The following XPC variants were observed in gnomAD, a reference collection of about 807,000 sequenced individuals.
XPC encodes DNA repair protein complementing XP-C cells.
XPC carries 76 observed loss-of-function variants against 95.8 expected under a neutral mutation model. The ratio of observed to expected loss-of-function variants is 0.79; its 90% CI spans 0.66 to 0.96. XPC has a LOEUF of 0.96. XPC is among the 40% of genes least tolerant of loss of function. The pLI is 0.00. For synonymous variants in XPC, 442 were observed against 442.1 expected, an observed-to-expected ratio of 1.00 and a Z score of 0.00; for missense variants, 1,146 against 1,179.8, an observed-to-expected ratio of 0.97 and a Z score of 0.42.
chr3:14,146,621 C>A lies in XPC; in HGVS notation c.2605-462G>T, dbSNP rs369994827. 8.6e-4 allele frequency among the ~76,000 whole-genome samples: 131 copies of A among 152,302 alleles called. 1 individual carries two copies. Among genetic ancestry groups the A allele is most frequent in the African/African-American group, 3.0e-3 (124 of 41,556 alleles). On this transcript the variant is annotated intron_variant, in intron 15 of 15. Transcript: ENST00000285021. Reference sequence around the variant, plus strand: ...TTTGGATGGAGAAGGCGGCAAGGAGCTGGTCAGAACATAAAGTCAGATGAA... The same window carrying A: ...TTTGGATGGAGAAGGCGGCAAGGAGATGGTCAGAACATAAAGTCAGATGAA...
Position 14,148,877 on chromosome 3 carries a change from G to C in XPC, c.2187C>G (p.Asp729Glu), listed in dbSNP as rs759521446. ...LAEPQLREENDLGLFGYWQTE... is the reference protein window; with the variant it reads ...LAEPQLREENELGLFGYWQTE... ...TCTGCCAGTAGCCAAACAGGCCCAG[G>C]TCATTTTCTTCCCGCAGCTGGGGCT... The change falls in exon 12 of 16, where the codon GAC (aspartate) becomes GAG (glutamate). Residue 729 changes from aspartate (D) to glutamate (E), a missense_variant. By Grantham distance (45) the Asp-to-Glu change is conservative (BLOSUM62 2). Coordinates refer to ENST00000285021, the MANE Select transcript of XPC (RefSeq NM_004628.5). The C allele has an allele frequency of 1.2e-6, 2 of 1,613,882 alleles. No individual in the cohort carries two copies. Among genetic ancestry groups the C allele is most frequent in the Non-Finnish European group, 1.7e-6 (2 of 1,179,898 alleles).
At chr3:14,157,424 G>A (rs955571574) in intron 9 of XPC, among the ~76,000 whole-genome samples, 1 of 152,144 alleles carries the variant, frequency 6.6e-6, no homozygotes, top group African/African-American at 2.4e-5. Context: ...ACACACAGGC[G>A]GCTCGGGCAC....
intron 1 of XPC, among the ~76,000 whole-genome samples, chr3:14,175,408 T>C (rs1433172097): frequency 3.9e-5 from 6 of 152,202 alleles, no homozygotes; most frequent in African/African-American, 1.4e-4. Context: ...ACAGCAGTCT[T>C]AGCACAGGGT....
At chr3:14,168,432 C>T in intron 3 of XPC, 52 bp from the exon 4 acceptor site, 1 of 1,602,178 alleles carries the variant, frequency 6.2e-7, no homozygotes, top group African/African-American at 1.3e-5. Flanking sequence ...ATAATAATAG[C>T]TACTGTACTG....
chr3:14,149,089 CTT>C (rs111520695), intron 11 of XPC, 141 bp from the exon 12 acceptor site: 1,958 of 976,608 alleles, frequency 2.0e-3, no homozygotes, highest in Non-Finnish European at 2.2e-3. Context: ...CTTTTTCTCC[CTT>C]TTTTTTTTTT....
intron 1 of XPC, among the ~76,000 whole-genome samples, chr3:14,176,645 C>T (rs1246082098): frequency 1.3e-5 from 2 of 152,078 alleles, no homozygotes; most frequent in African/African-American, 2.4e-5. Context: ...CCTAAGTTTA[C>T]GAATTATTAC....
In XPC at chr3:14,158,104, G is replaced by A. The variant is rs1225289159; in HGVS notation, c.1779C>T (p.Thr593=). Residue 593 remains threonine (T), a synonymous_variant, in exon 9 of 16, where the codon ACC becomes ACT. Transcript: ENST00000285021. This position sits in a 1 kb window ranked among gnomAD's most constrained non-coding sequence, Gnocchi z 5.2. Reference sequence around the variant, plus strand: ...ACTCAGCATCAACCCGGCACTTGCGGGTCACTGTCATCCAGACTGGGTCGT... The same window carrying A: ...ACTCAGCATCAACCCGGCACTTGCGAGTCACTGTCATCCAGACTGGGTCGT... ...QRYDPVWMTV[T]RKCRVDAEWW... 3 of 1,613,930 alleles carry A rather than the reference G, an allele frequency of 1.9e-6. No individual in the cohort carries two copies. The highest frequency in any genetic ancestry group is 2.5e-6 in the Non-Finnish European group (3 of 1,179,874).
At chr3:14,175,488 A>G (rs887493243) in intron 1 of XPC, among the ~76,000 whole-genome samples, 2 of 151,902 alleles carry the variant, frequency 1.3e-5, no homozygotes, top group East Asian at 1.9e-4. Context: ...CCCTCCCCCC[A>G]GATTATAATC....
In XPC at chr3:14,145,213, T is replaced by G. The variant is rs1328261165; in HGVS notation, c.*728A>C. 8 of 614,822 alleles carry G rather than the reference T, an allele frequency of 1.3e-5. No homozygotes were observed. The Admixed American group carries it at 1.9e-4, about 14-fold the overall frequency. 38.1% of individuals were successfully genotyped at this position (614,822 alleles called of 1,614,324 possible). Reference sequence around the variant, plus strand: ...GTCATTTCTCCTTAGTACAGAGAGCTTTATACATTTTATCTAGTAATGAAT... The same window carrying G: ...GTCATTTCTCCTTAGTACAGAGAGCGTTATACATTTTATCTAGTAATGAAT... On this transcript the variant is annotated 3_prime_UTR_variant, in exon 16 of 16. Transcript: ENST00000285021.
At chr3:14,177,086 A>G (rs1288379888) in intron 1 of XPC, among the ~76,000 whole-genome samples, 2 of 122,330 alleles carry the variant, frequency 1.6e-5, no homozygotes, top group Non-Finnish European at 3.8e-5. Flanking sequence ...ACTGTCTCGA[A>G]AAAAATAAAA....
In XPC at chr3:14,156,338, GAGTAGACCGC is replaced by G. The variant is rs1246211702; in HGVS notation, c.2020_2029del (p.Ala674ProfsTer15). The stretch of plus-strand genomic sequence containing the variant: ...CCAACCAGGCTGCCTCACGCACCTG[GAGTAGACCGC>G]TTCTCCACGACAATACCCAAGGATG... On this transcript the variant is annotated frameshift_variant, in exon 10 of 16. Coordinates refer to ENST00000285021, the MANE Select transcript of XPC (RefSeq NM_004628.5). LOFTEE classifies it high-confidence loss of function. 1 of 1,613,424 alleles carries G rather than the reference GAGTAGACCGC, an allele frequency of 6.2e-7. No individual in the cohort carries two copies. Among genetic ancestry groups the G allele is most frequent in the Non-Finnish European group, 8.5e-7 (1 of 1,179,660 alleles).
chr3:14,159,947 T>C, intron 7 of XPC, 117 bp from the exon 8 acceptor site: 1 of 975,192 alleles, frequency 1.0e-6, no homozygotes, highest in Non-Finnish European at 1.5e-6. Flanking sequence ...ACAGCCAGAC[T>C]GTCTAACAGT....
Position 14,173,011 on chromosome 3 carries a change from GA to G in XPC, c.154del (p.Ser52HisfsTer27). 1 of 1,610,116 alleles carries G rather than the reference GA, an allele frequency of 6.2e-7. No homozygotes were observed. Among genetic ancestry groups the G allele is most frequent in the Non-Finnish European group, 8.5e-7 (1 of 1,178,344 alleles). On this transcript the variant is annotated frameshift_variant, in exon 2 of 16. Coordinates refer to ENST00000285021, the MANE Select transcript of XPC (RefSeq NM_004628.5). LOFTEE classifies it high-confidence loss of function. The stretch of plus-strand genomic sequence containing the variant: ...GCAGCCTCTTTTCCTCTTTCCTTGT[GA>G]AACTTTGGAGAGAAGGCTCTTCTTT... ...PPKKSLLSKVSQGKRKRGCSH... is the reference protein window; with the variant it reads ...PPKKSLLSKVXQGKRKRGCSH...
At position 14,158,625 on chromosome 3, in the gene XPC, G is replaced by A. The variant is rs771080042; in HGVS notation, c.1258C>T (p.Arg420Trp). 14 of 1,613,740 alleles carry A rather than the reference G, an allele frequency of 8.7e-6. 1 individual carries two copies. The highest frequency in any genetic ancestry group is 1.6e-4 in the Middle Eastern group (1 of 6,084). ...EKATQRRPHG[R>W]ERRVASRVSY... is the part of the protein sequence containing the mutation. Reference sequence around the variant, plus strand: ...ACCCTGGAGGCCACCCGCCGCTCCCGGCCATGCGGACGTCGCTGGGTTGCC... The same window carrying A: ...ACCCTGGAGGCCACCCGCCGCTCCCAGCCATGCGGACGTCGCTGGGTTGCC... The change falls in exon 9 of 16, where the codon CGG becomes TGG. Residue 420 changes from arginine (R) to tryptophan (W), a missense_variant. Coordinates refer to ENST00000285021, the MANE Select transcript of XPC (RefSeq NM_004628.5). The surrounding 1 kb of genome is among the most constrained non-coding windows in gnomAD (Gnocchi z 5.2).
Position 14,157,616 on chromosome 3 carries a change from G to A in XPC, c.1872+395C>T, listed in dbSNP as rs3731133. ...GAGGTGAGTGTTCTATGTATGAGGG[G>A]TGTTTGCACGTACATCTTTACATTC... On this transcript the variant is annotated intron_variant, in intron 9 of 15. Coordinates refer to ENST00000285021, the MANE Select transcript of XPC (RefSeq NM_004628.5). Among the ~76,000 whole-genome samples, 109 of 152,298 alleles carry A rather than the reference G, an allele frequency of 7.2e-4. 1 individual carries two copies. The South Asian group carries it at 0.021, about 29-fold the overall frequency.
At chr3:14,165,372 G>A in intron 6 of XPC, 56 bp downstream of exon 6, 1 of 1,514,690 alleles carries the variant, frequency 6.6e-7, no homozygotes, top group Admixed American at 2.0e-5. Context: ...CCCAGCCTCT[G>A]AGAGAAACAC....
At chr3:14,147,870 C>T in intron 14 of XPC, 38 bp downstream of exon 14, 1 of 1,547,516 alleles carries the variant, frequency 6.5e-7, no homozygotes, top group African/African-American at 1.4e-5. Flanking sequence ...GTGTTGCTTC[C>T]CGCTTCTGCT....
chr3:14,168,613 T>C (rs1696487637), intron 3 of XPC, among the ~76,000 whole-genome samples: 1 of 151,758 alleles, frequency 6.6e-6, no homozygotes, highest in South Asian at 2.1e-4. Context: ...AGACAGTCTT[T>C]AGATAAAGAA....
rs777034855 is a variant in XPC, at chr3:14,168,393, A to G, written c.413-13T>C. On this transcript the variant is annotated splice_polypyrimidine_tract_variant and intron_variant, in intron 3 of 15. Transcript: ENST00000285021. ...GGCTCACTAAGTTCTATCAACAAGC[A>G]TTTTTAAAAATCAGTAATAGTAATA... The G allele has an allele frequency of 6.2e-7, 1 of 1,613,576 alleles. No homozygotes were observed. Among genetic ancestry groups the G allele is most frequent in the East Asian group, 2.2e-5 (1 of 44,864 alleles).
Sources: gnomAD v4.1 joint callset for allele counts (sites outside exome capture counted in the v4.1 genomes callset) on GRCh38, gnomAD v4.1.1 for gene constraint, Gnocchi (gnomAD v3.1) non-coding constraint, MANE v1.5 for transcripts, NCBI Gene and HGNC (gene_info 2026-07-23, HGNC 2026-07-21) for gene names.